Variants in RECK observed in about 807,000 individuals in gnomAD.
RECK encodes the protein reversion inducing cysteine rich protein with kazal motifs.
In RECK, 69 loss-of-function variants were observed where a neutral mutation model predicts 115.1. The ratio of observed to expected loss-of-function variants is 0.60; its 90% confidence interval spans 0.49 to 0.73. The LOEUF (loss-of-function observed/expected upper bound fraction) is 0.73. RECK is among the 30% of genes least tolerant of loss of function. RECK has a pLI of 0.00. For missense variants in RECK, 1,047 were observed against 1,203.7 expected, an observed-to-expected ratio of 0.87 and a Z score of 1.93; for synonymous variants, 414 against 419.7, an observed-to-expected ratio of 0.99 and a Z score of 0.17.
At chr9:36,045,886 A>G (rs918472276) in intron 1 of RECK, among the ~76,000 whole-genome samples, 3 of 152,126 alleles carry the variant, frequency 2.0e-5, no homozygotes, top group Non-Finnish European at 4.4e-5. Flanking sequence ...TAATTATTGG[A>G]TAATTCTGCT....
chr9:36,065,255 AT>A (rs1481740339), intron 5 of RECK, among the ~76,000 whole-genome samples: 136 of 149,520 alleles, frequency 9.1e-4, no homozygotes, highest in Non-Finnish European at 1.7e-3. Context: ...AAAAAAAAAA[AT>A]CCTCTGATTT....
intron 6 of RECK, chr9:36,066,658 ATCTC>A: frequency 2.5e-6 from 1 of 395,288 alleles, no homozygotes; most frequent in Non-Finnish European, 4.1e-6. Flanking sequence ...TTATTTTCTT[ATCTC>A]TCTATCTTTG....
intron 6 of RECK, among the ~76,000 whole-genome samples, chr9:36,079,617 T>A (rs1822598811): frequency 6.6e-6 from 1 of 152,204 alleles, no homozygotes; most frequent in South Asian, 2.1e-4. Flanking sequence ...CAATAGCTGA[T>A]CCTTTAACAA....
At chr9:36,053,705 G>C (rs978693454) in intron 2 of RECK, among the ~76,000 whole-genome samples, 1 of 152,096 alleles carries the variant, frequency 6.6e-6, no homozygotes, top group Non-Finnish European at 1.5e-5. Context: ...ATGTTCTATA[G>C]GGTGAATGAT....
chr9:36,101,824 C>T (rs1564129570), intron 11 of RECK, among the ~76,000 whole-genome samples: 1 of 152,138 alleles, frequency 6.6e-6, no homozygotes, highest in Non-Finnish European at 1.5e-5. Flanking sequence ...ATTTAATTTC[C>T]TTTCAAAGAT....
At chr9:36,085,826 G>C (rs1822936125) in intron 8 of RECK, 1 of 152,120 alleles carries the variant, frequency 6.6e-6, no homozygotes, top group Non-Finnish European at 1.5e-5. Flanking sequence ...AATGGCTTTT[G>C]ACATCCTTTG....
At chr9:36,071,482 G>C (rs552652857) in intron 6 of RECK, among the ~76,000 whole-genome samples, 7 of 152,228 alleles carry the variant, frequency 4.6e-5, no homozygotes, top group Non-Finnish European at 1.0e-4. Context: ...TACATTTGCT[G>C]TGTGAGCCAC....
intron 12 of RECK, among the ~76,000 whole-genome samples, chr9:36,103,886 T>C (rs1823656547): frequency 6.6e-6 from 1 of 152,146 alleles, no homozygotes; most frequent in Non-Finnish European, 1.5e-5. Flanking sequence ...AGTCTTAGAG[T>C]ATGAGTCTGG....
chr9:36,051,132 AT>A (rs1243542520), intron 1 of RECK, among the ~76,000 whole-genome samples: 1 of 152,148 alleles, frequency 6.6e-6, no homozygotes, highest in Admixed American at 6.6e-5. Context: ...TGCTCATAAA[AT>A]TTTTTTAAGT....
intron 9 of RECK, among the ~76,000 whole-genome samples, chr9:36,089,739 C>T (rs1218120679): frequency 6.6e-6 from 1 of 151,954 alleles, no homozygotes; most frequent in Non-Finnish European, 1.5e-5. Context: ...TGGGTCCTAG[C>T]CCCAAAATAT....
chr9:36,047,238 A>G (rs911220996), intron 1 of RECK, among the ~76,000 whole-genome samples: 2 of 152,208 alleles, frequency 1.3e-5, no homozygotes, highest in Admixed American at 1.3e-4. Flanking sequence ...CTATCCTCCC[A>G]GTCTAATGAG....
In RECK at chr9:36,116,966, C is replaced by T; in HGVS notation, c.2061-19C>T. The T allele has an allele frequency of 1.9e-6, 3 of 1,593,592 alleles. No homozygotes were observed. The highest frequency in any genetic ancestry group is 2.6e-6 in the Non-Finnish European group (3 of 1,166,844). ...TCCCTCCCTACATTGGCTCATGGTG[C>T]TGCATTCGTCTTTTTCAGGTGCATA... is the stretch of plus-strand genomic sequence containing the variant. On this transcript the variant is annotated intron_variant, in intron 16 of 20. Transcript: ENST00000377966.
In RECK at chr9:36,100,457, G is replaced by A. The variant is rs1330640388; in HGVS notation, c.1212G>A (p.Lys404=). 2 of 1,613,964 alleles carry A rather than the reference G, an allele frequency of 1.2e-6. No homozygotes were observed. The highest frequency in any genetic ancestry group is 1.7e-6 in the Non-Finnish European group (2 of 1,179,974). Residue 404 remains lysine, a synonymous_variant, in exon 11 of 21, where the codon AAG becomes AAA. Coordinates refer to ENST00000377966, the MANE Select transcript of RECK (RefSeq NM_021111.3). ...ATATACCTGTTCTTGATATTAAAAA[G>A]TGCCAGCCAGAGATGTGGAAAGCAA... ...FINIPVLDIK[K]CQPEMWKAIA... is the part of the protein sequence containing the mutation.
At chr9:36,085,754 T>G (rs1214620578) in intron 8 of RECK, 1 of 152,018 alleles carries the variant, frequency 6.6e-6, no homozygotes, top group East Asian at 1.9e-4. Context: ...GAAAGACTTG[T>G]TTTTTGTAAC....
chr9:36,083,552 C>T lies in RECK; in HGVS notation c.627C>T (p.Asn209=), dbSNP rs764697389. 2 of 1,613,062 alleles carry T rather than the reference C, an allele frequency of 1.2e-6. No homozygotes were observed. The highest frequency in any genetic ancestry group is 1.7e-6 in the Non-Finnish European group (2 of 1,179,412). The change falls in exon 8 of 21, where the codon AAC becomes AAT. Residue 209 remains asparagine, a synonymous_variant. Coordinates refer to ENST00000377966, the MANE Select transcript of RECK (RefSeq NM_021111.3). The stretch of plus-strand genomic sequence containing the variant: ...ATACTCAATCTTATCCAATGAGGAA[C>T]CCAACGGATAGTAAGTAAAAGGGAC... ...NNYTQSYPMR[N]PTDSLYCCDR...
At chr9:36,037,787 G>T (rs1343685412) in intron 1 of RECK, among the ~76,000 whole-genome samples, 1 of 152,012 alleles carries the variant, frequency 6.6e-6, no homozygotes, top group Non-Finnish European at 1.5e-5. Context: ...ATGGGGTACA[G>T]CAGGAGATTG....
rs533618563 is a variant in RECK, at chr9:36,052,445, C to T, written c.159+122C>T. 3.2e-5 allele frequency: 20 copies of T among 620,258 alleles called. No individual in the cohort carries two copies. In the East Asian group the frequency reaches 5.0e-4, roughly 15 times the overall value. 38.4% of individuals were successfully genotyped at this position (620,258 alleles called of 1,614,324 possible). Reference sequence around the variant, plus strand: ...GCCAGGGGTTCAGGACCAGCCAGGACAACATAGCAAGACCCCTGTCTCTAA... The same window carrying T: ...GCCAGGGGTTCAGGACCAGCCAGGATAACATAGCAAGACCCCTGTCTCTAA... On this transcript the variant is annotated intron_variant, in intron 2 of 20. Transcript: ENST00000377966.
At chr9:36,107,939 C>T (rs888313316) in intron 13 of RECK, 37 bp from the exon 14 acceptor site, 2 of 1,475,050 alleles carry the variant, frequency 1.4e-6, no homozygotes, top group Non-Finnish European at 1.9e-6. Context: ...TGTCATAGAA[C>T]AGTACCATCT....
intron 3 of RECK, 88 bp downstream of exon 3, chr9:36,058,989 T>C: frequency 2.4e-6 from 2 of 833,528 alleles, no homozygotes; most frequent in Admixed American, 3.1e-5. Flanking sequence ...AATTTTTAAA[T>C]GTGATTGGAA....
Sources: gnomAD v4.1 joint callset for allele counts (sites outside exome capture counted in the v4.1 genomes callset) on GRCh38, gnomAD v4.1.1 for gene constraint, MANE v1.5 for transcripts, NCBI Gene and HGNC (gene_info 2026-07-23, HGNC 2026-07-21) for gene names.